SCAI: variants seen among roughly 807,000 people sequenced by gnomAD.
SCAI encodes the protein suppressor of cancer cell invasion.
A neutral mutation model predicts 92.2 loss-of-function variants in SCAI; 24 were observed. The observed-to-expected ratio is 0.26, with a 90% CI of 0.19 to 0.37. The LOEUF (loss-of-function observed/expected upper bound fraction) is 0.37, where lower values mean the gene tolerates loss of function less well. SCAI is among the 10% of genes least tolerant of loss of function. SCAI has a pLI of 1.00. For synonymous variants in SCAI, 261 were observed against 258.6 expected (o/e 1.01, Z -0.09); for missense variants, 450 against 736.2 (o/e 0.61, Z 4.50).
chr9:125,077,162 C>T (rs991228773), intron 2 of SCAI, among the ~76,000 whole-genome samples: 5 of 152,192 alleles, frequency 3.3e-5, no homozygotes. Context: ...TGTATTCCGT[C>T]ACAATTCTGC....
chr9:124,961,418 G>A (rs750368083), intron 17 of SCAI, among the ~76,000 whole-genome samples: 5 of 152,238 alleles, frequency 3.3e-5, no homozygotes, highest in Admixed American at 1.3e-4. Flanking sequence ...GGGAGGCTGA[G>A]GCGGTTGGAT....
chr9:125,010,395 G>A (rs1405688765), intron 9 of SCAI, among the ~76,000 whole-genome samples: 1 of 152,216 alleles, frequency 6.6e-6, no homozygotes, highest in East Asian at 1.9e-4. Flanking sequence ...CACATGGCTT[G>A]GAGGGTCCTA....
chr9:124,951,167 A>T lies in SCAI; in HGVS notation c.*1640T>A, dbSNP rs1831229947. 6.6e-6 allele frequency: 1 copy of T among 151,598 alleles called. No homozygotes were observed. Among genetic ancestry groups the T allele is most frequent in the South Asian group, 2.1e-4 (1 of 4,802 alleles). 9.4% of individuals were successfully genotyped at this position (151,598 alleles called of 1,614,324 possible). ...ATCAGCAAATCAAAGCAGGAATGGG[A>T]ATAACTTAGACCCAAATTAGTCTCT... On this transcript the variant is annotated 3_prime_UTR_variant, in exon 18 of 18. Transcript: ENST00000336505.
At chr9:125,020,872 C>A (rs1457919464) in intron 6 of SCAI, 103 bp from the exon 7 acceptor site, 1 of 560,972 alleles carries the variant, frequency 1.8e-6, no homozygotes, top group Admixed American at 3.9e-5. Flanking sequence ...TCCTTTTCTG[C>A]ACAATTATAA....
At chr9:124,988,297 C>T (rs1173405041) in intron 14 of SCAI, among the ~76,000 whole-genome samples, 2 of 151,968 alleles carry the variant, frequency 1.3e-5, no homozygotes, top group Non-Finnish European at 2.9e-5. Context: ...GATCAGTTTG[C>T]TAGGCTCCAA....
At chr9:125,084,360 C>T (rs1214136805) in intron 2 of SCAI, among the ~76,000 whole-genome samples, 2 of 151,694 alleles carry the variant, frequency 1.3e-5, no homozygotes, top group Non-Finnish European at 2.9e-5. Context: ...TTAGTAGAGA[C>T]GGGGTTTCAC....
chr9:124,986,684 TC>T (rs1456218598), intron 14 of SCAI, among the ~76,000 whole-genome samples: 1 of 152,034 alleles, frequency 6.6e-6, no homozygotes, highest in Non-Finnish European at 1.5e-5. Flanking sequence ...GTCCAACAAA[TC>T]CCAATAGATT....
chr9:125,069,342 G>A (rs1262818521), intron 2 of SCAI, among the ~76,000 whole-genome samples: 1 of 151,360 alleles, frequency 6.6e-6, no homozygotes, highest in Non-Finnish European at 1.5e-5. Flanking sequence ...TTTTGAGACG[G>A]AGTCTTGCTC....
chr9:125,113,212 T>C (rs181436959), intron 2 of SCAI, among the ~76,000 whole-genome samples: 1 of 152,300 alleles, frequency 6.6e-6, no homozygotes, highest in East Asian at 1.9e-4. Context: ...GTAATCAAGT[T>C]TACAGTCAAC....
intron 2 of SCAI, among the ~76,000 whole-genome samples, chr9:125,127,196 A>T (rs1311834619): frequency 6.6e-6 from 1 of 152,178 alleles, no homozygotes. Context: ...CAGAATCCCC[A>T]GGCTTCAACG....
intron 3 of SCAI, among the ~76,000 whole-genome samples, chr9:125,054,322 G>A (rs1833621455): frequency 6.6e-6 from 1 of 152,152 alleles, no homozygotes; most frequent in South Asian, 2.1e-4. Flanking sequence ...ACAGATATGT[G>A]TTCCTATCTG....
chr9:125,064,367 G>C (rs1358554448), intron 2 of SCAI, among the ~76,000 whole-genome samples: 1 of 152,036 alleles, frequency 6.6e-6, no homozygotes, highest in Non-Finnish European at 1.5e-5. Flanking sequence ...GGGTGCCGTG[G>C]TTCAAATAAA....
chr9:124,971,865 T>C (rs1251030165), intron 15 of SCAI, 21 bp from the exon 16 acceptor site: 4 of 1,524,260 alleles, frequency 2.6e-6, no homozygotes, highest in East Asian at 2.3e-5. Flanking sequence ...AAACATGTTA[T>C]ATATATAGAC....
At chr9:125,027,458 C>T (rs1406837139) in intron 5 of SCAI, among the ~76,000 whole-genome samples, 1 of 152,094 alleles carries the variant, frequency 6.6e-6, no homozygotes, top group Non-Finnish European at 1.5e-5. Context: ...GAATTTGGAG[C>T]GGTATGCCAA....
chr9:124,994,823 C>G, intron 14 of SCAI, 111 bp downstream of exon 14: 1 of 602,880 alleles, frequency 1.7e-6, no homozygotes, highest in Non-Finnish European at 2.9e-6. Flanking sequence ...TAAATACAAA[C>G]TGTGTAAAAT....
rs1831093534 is a variant in SCAI at position 124,943,545 on chromosome 9, G to A, written c.*9262C>T. 1.3e-5 allele frequency: 2 copies of A among 152,126 alleles called. No homozygotes were observed. The highest frequency in any genetic ancestry group is 2.9e-5 in the Non-Finnish European group (2 of 68,010). 9.4% of individuals were successfully genotyped at this position (152,126 alleles called of 1,614,324 possible). A position where few individuals can be genotyped will look rare whatever the true frequency, so the allele number is the denominator to read the frequency against. Reference sequence around the variant, plus strand: ...CTAATATAACTCTATAATCCCTATAGTGTTAAAATTCTATAACATTTCAGT... The same window carrying A: ...CTAATATAACTCTATAATCCCTATAATGTTAAAATTCTATAACATTTCAGT... On this transcript the variant is annotated 3_prime_UTR_variant, in exon 18 of 18. Transcript: ENST00000336505.
rs1195663083 is a variant in SCAI, at chr9:125,032,170, A to AATAT, written c.231-2435_231-2432dup. Among the ~76,000 whole-genome samples, 433 of 118,622 alleles carry AATAT rather than the reference A, an allele frequency of 3.7e-3. 7 individuals are homozygous for AATAT. Among genetic ancestry groups the AATAT allele is most frequent in the East Asian group, 0.023 (91 of 3,884 alleles). The allele number at this position is 118,622 out of a possible 152,430, so 77.8% of individuals were successfully genotyped here. A position where few individuals can be genotyped will look rare whatever the true frequency, so the allele number is the denominator to read the frequency against. On this transcript the variant is annotated intron_variant, in intron 3 of 17. Transcript: ENST00000336505. ...CACTCAAATGTTTAATAGTAAAATGAATATATATATATATATATATATATA... is the reference window on the plus strand; with the variant it reads ...CACTCAAATGTTTAATAGTAAAATGAATATATATATATATATATATATATATATA...
intron 3 of SCAI, among the ~76,000 whole-genome samples, chr9:125,042,634 T>TGTACACACACACAC (rs761672178): frequency 2.1e-5 from 2 of 96,192 alleles, no homozygotes; most frequent in African/African-American, 7.8e-5. Context: ...TGTGTGTGTG[T>TGTACACACACACAC]ACACACACAC....
chr9:125,060,991 T>A lies in SCAI; in HGVS notation c.99-4984A>T, dbSNP rs902692052. On this transcript the variant is annotated intron_variant, in intron 2 of 17. Coordinates refer to ENST00000336505, the MANE Select transcript of SCAI (RefSeq NM_001144877.3). ...TAATATTACAGAAACCTGTGCCTCA[T>A]GTCATACCAGATTATAAAGTCCTTG... Among the ~76,000 whole-genome samples, 6 of 152,216 alleles carry A rather than the reference T, an allele frequency of 3.9e-5. No homozygotes were observed. The East Asian group carries it at 1.2e-3, about 29-fold the overall frequency.
Sources: allele counts gnomAD v4.1 joint callset (sites outside exome capture counted in the v4.1 genomes callset), GRCh38; gene constraint gnomAD v4.1.1; transcripts MANE v1.5; gene names NCBI Gene and HGNC (gene_info 2026-07-23, HGNC 2026-07-21).